Variants in NBPF3 observed in about 807,000 individuals in gnomAD.
NBPF3 encodes the protein NBPF family member NBPF3.
Under a neutral mutation model 78.1 loss-of-function variants are expected in NBPF3, and 57 were observed. That is an observed-to-expected ratio of 0.73 (90% confidence interval 0.59 to 0.91). The LOEUF (loss-of-function observed/expected upper bound fraction) is 0.91. Among genes scored for constraint, NBPF3 ranks in the 40% least tolerant of loss-of-function variants. NBPF3 has a pLI of 0.00. For missense variants in NBPF3, 510 were observed against 715.3 expected (o/e 0.71, Z 3.27); for synonymous variants, 182 against 271.7 (o/e 0.67, Z 3.25).
At chr1:21,446,731 G>T (rs1641009032) in intron 2 of NBPF3, among the ~76,000 whole-genome samples, 4 of 151,666 alleles carry the variant, frequency 2.6e-5, no homozygotes, top group Admixed American at 2.0e-4. Flanking sequence ...CTTCTGTCTT[G>T]CAGGCAGAGA....
intron 2 of NBPF3, 58 bp from the exon 3 acceptor site, chr1:21,468,630 A>C: frequency 6.2e-7 from 1 of 1,611,690 alleles, no homozygotes; most frequent in East Asian, 2.2e-5. Context: ...GTCCTGATTA[A>C]ACCTATTTGA....
chr1:21,445,285 T>C (rs1380809327), intron 2 of NBPF3, 66 bp downstream of exon 2: 1 of 1,551,546 alleles, frequency 6.4e-7, no homozygotes, highest in African/African-American at 1.4e-5. Flanking sequence ...ATAACTCAGA[T>C]GTGAAGGGAA....
At chr1:21,473,337 T>C in intron 6 of NBPF3, 43 bp from the exon 7 acceptor site, 1 of 1,598,054 alleles carries the variant, frequency 6.3e-7, no homozygotes, top group Non-Finnish European at 8.6e-7. Flanking sequence ...CCAATCCCTC[T>C]GTGTTTAGTC....
Position 21,470,680 on chromosome 1 carries a change from G to A in NBPF3, c.392G>A (p.Arg131Gln), listed in dbSNP as rs748424919. The A allele has an allele frequency of 3.1e-5, 49 of 1,601,198 alleles. No individual in the cohort carries two copies. Among genetic ancestry groups the A allele is most frequent in the South Asian group, 1.9e-4 (17 of 90,902 alleles). Residue 131 changes from arginine to glutamine, a missense_variant, in exon 4 of 15, where the codon CGG becomes CAG. Transcript: ENST00000318249. ...ATAAAATCTATGCTGAGGGATGAGCGGCTGCTCACAGAAGAGAAGCTTGCA... is the reference window on the plus strand; with the variant it reads ...ATAAAATCTATGCTGAGGGATGAGCAGCTGCTCACAGAAGAGAAGCTTGCA... ...DLIKSMLRDE[R>Q]LLTEEKLAEE...
At position 21,483,175 on chromosome 1, in the gene NBPF3, C is replaced by G. The variant is rs376157620; in HGVS notation, c.1691C>G (p.Pro564Arg). ...GAGGTGCTGATGGAAGCAGAAGAGC[C>G]TGAAGTCTTGCAGGACTCACTGGAT... is the stretch of plus-strand genomic sequence containing the variant. ...LNEVLMEAEE[P>R]EVLQDSLDRC... Residue 564 changes from proline to arginine, a missense_variant, in exon 15 of 15, where the codon CCT becomes CGT. Around this residue, in one of 5 missense-constraint regions of NBPF3, gnomAD observed 25 missense variants for 27.3 expected, o/e 0.92. Coordinates refer to ENST00000318249, the MANE Select transcript of NBPF3 (RefSeq NM_032264.6). 3.7e-6 allele frequency: 6 copies of G among 1,608,670 alleles called. No homozygotes were observed. The highest frequency in any genetic ancestry group is 5.1e-6 in the Non-Finnish European group (6 of 1,178,448).
intron 2 of NBPF3, 128 bp downstream of exon 2, chr1:21,445,347 T>C (rs892457496): frequency 1.4e-5 from 15 of 1,054,006 alleles, no homozygotes; most frequent in Non-Finnish European, 1.8e-5. Flanking sequence ...GAAACAGATA[T>C]TAAATACGTA....
Position 21,445,146 on chromosome 1 carries a change from A to AAC in NBPF3, c.61_62dup (p.Ser22LeufsTer51), listed in dbSNP as rs779407639. 11 of 1,611,770 alleles carry AAC rather than the reference A, an allele frequency of 6.8e-6. No individual in the cohort carries two copies. In the African/African-American group the frequency reaches 1.2e-4, roughly 18 times the overall value. On this transcript the variant is annotated frameshift_variant, in exon 2 of 15. Coordinates refer to ENST00000318249, the MANE Select transcript of NBPF3 (RefSeq NM_032264.6). LOFTEE classifies it high-confidence loss of function. ...GGACTCTCCGAGGCCCTGATGTAGA[A>AAC]ACTTCCCCATTCGGTGCACCAAGAG...
At chr1:21,463,932 A>G (rs1188091227) in intron 2 of NBPF3, among the ~76,000 whole-genome samples, 1 of 152,258 alleles carries the variant, frequency 6.6e-6, no homozygotes, top group Non-Finnish European at 1.5e-5. Context: ...AGTATGACTT[A>G]AGAAAAAAAT....
chr1:21,476,763 C>T lies in NBPF3; in HGVS notation c.993-1381C>T, dbSNP rs534030717. Among the ~76,000 whole-genome samples the T allele has an allele frequency of 1.4e-4, 22 of 152,216 alleles. 1 individual carries two copies. The highest frequency in any genetic ancestry group is 6.5e-4 in the Admixed American group (10 of 15,286). On this transcript the variant is annotated intron_variant, in intron 8 of 14. Transcript: ENST00000318249. The surrounding 1 kb of genome is among the most constrained non-coding windows in gnomAD (Gnocchi z 4.1). ...CTGACAATTATGTGTCTTGGAGTTG[C>T]TCTTCTCGAGGAGTATCTTTGTGGT...
chr1:21,452,682 T>C (rs1312033795), intron 2 of NBPF3, among the ~76,000 whole-genome samples: 2 of 152,226 alleles, frequency 1.3e-5, no homozygotes, highest in African/African-American at 2.4e-5. Context: ...GCTTGTGGGC[T>C]TTGGGAAAAT....
intron 1 of NBPF3, among the ~76,000 whole-genome samples, chr1:21,444,583 G>C (rs1340371781): frequency 6.6e-6 from 1 of 151,988 alleles, no homozygotes; most frequent in African/African-American, 2.4e-5. Context: ...TTCCCGCCGG[G>C]CTGGAGTACA....
chr1:21,478,066 C>A (rs1302957732), intron 8 of NBPF3, 78 bp from the exon 9 acceptor site: 2 of 1,611,624 alleles, frequency 1.2e-6, no homozygotes, highest in South Asian at 2.2e-5. Context: ...TGTCTCCCAT[C>A]AGATCATCTG....
At chr1:21,472,594 T>C (rs1043615622) in intron 5 of NBPF3, among the ~76,000 whole-genome samples, 16 of 152,230 alleles carry the variant, frequency 1.1e-4, no homozygotes, top group Admixed American at 3.9e-4. Flanking sequence ...TGTAGGAGCC[T>C]CCATGATATG....
chr1:21,461,347 A>G (rs1409603902), intron 2 of NBPF3, among the ~76,000 whole-genome samples: 7 of 127,610 alleles, frequency 5.5e-5, no homozygotes, highest in Non-Finnish European at 1.2e-4. Context: ...TGATAATCAT[A>G]CAAACAATAG....
At chr1:21,479,818 C>CTGTGTGTGTGTGTG (rs1297036233) in intron 10 of NBPF3, among the ~76,000 whole-genome samples, 4 of 43,944 alleles carry the variant, frequency 9.1e-5, no homozygotes, top group South Asian at 2.2e-3. Context: ...CTCTCTCTCT[C>CTGTGTGTGTGTGTG]TCTGTGTGTG....
At chr1:21,479,202 T>G (rs1643045130) in intron 9 of NBPF3, 147 bp from the exon 10 acceptor site, 1 of 872,084 alleles carries the variant, frequency 1.1e-6, no homozygotes, top group East Asian at 2.6e-5. Flanking sequence ...AGACTTGCCC[T>G]CAGGCCTCCT....
At chr1:21,445,915 G>C (rs1425277543) in intron 2 of NBPF3, 1 of 152,312 alleles carries the variant, frequency 6.6e-6, no homozygotes, top group African/African-American at 2.4e-5. Context: ...CTCTGGGCTA[G>C]AGGCCCCACA....
chr1:21,474,527 T>G (rs977173530), intron 7 of NBPF3, among the ~76,000 whole-genome samples: 1 of 152,236 alleles, frequency 6.6e-6, no homozygotes, highest in Non-Finnish European at 1.5e-5. Flanking sequence ...GTTTCATGTG[T>G]AGATCCCTCT....
At chr1:21,437,507 C>A, upstream of NBPF3, 1 of 1,446,214 alleles carries the variant, frequency 6.9e-7, no homozygotes, top group South Asian at 1.2e-5. Context: ...GCAGCGGCTG[C>A]GGAGAGCCAA....
Sources: allele counts gnomAD v4.1 joint callset (sites outside exome capture counted in the v4.1 genomes callset), GRCh38; gene constraint gnomAD v4.1.1; regional missense constraint gnomAD v4.1.1; non-coding constraint Gnocchi (gnomAD v3.1); transcripts MANE v1.5; gene names NCBI Gene and HGNC (gene_info 2026-07-23, HGNC 2026-07-21).